The following NTRK1 variants were observed in gnomAD, a reference collection of about 807,000 sequenced individuals.
NTRK1 encodes high affinity nerve growth factor receptor.
A neutral mutation model predicts 86.8 loss-of-function variants in NTRK1; 62 were observed. The observed-to-expected ratio is 0.71, with a 90% CI of 0.58 to 0.88. The LOEUF is 0.88. NTRK1 is among the 40% of genes least tolerant of loss of function. The pLI is 0.00. For synonymous variants in NTRK1, 469 were observed against 456.6 expected, an observed-to-expected ratio of 1.03 and a Z score of -0.35; for missense variants, 967 against 1,078.4, an observed-to-expected ratio of 0.90 and a Z score of 1.45.
intron 14 of NTRK1, among the ~76,000 whole-genome samples, chr1:156,878,678 G>A (rs41501945): frequency 6.6e-6 from 1 of 152,188 alleles, no homozygotes; most frequent in Non-Finnish European, 1.5e-5. Context: ...GGAATGGCTG[G>A]ACACTGAGGG....
In NTRK1 at chr1:156,854,360, A is replaced by C; in HGVS notation, c.51-9994A>C. The C allele has an allele frequency of 3.3e-6, 5 of 1,496,530 alleles. No individual in the cohort carries two copies. Among genetic ancestry groups the C allele is most frequent in the Non-Finnish European group, 4.5e-6 (5 of 1,114,940 alleles). 92.7% of individuals were successfully genotyped at this position (1,496,530 alleles called of 1,614,324 possible). A position where few individuals can be genotyped will look rare whatever the true frequency, so the allele number is the denominator to read the frequency against. Reference sequence around the variant, plus strand: ...ACAGCCCAGGCCAAATTCCCCATCCAGCCCTGGCAGCTTTGGAGGGGAGCC... The same window carrying C: ...ACAGCCCAGGCCAAATTCCCCATCCCGCCCTGGCAGCTTTGGAGGGGAGCC... On this transcript the variant is annotated intron_variant, in intron 2 of 16. Coordinates refer to the NTRK1 transcript ENST00000392302. This position sits in a 1 kb window ranked among gnomAD's most constrained non-coding sequence, Gnocchi z 4.2.
At chr1:156,860,818 C>A (rs1558095567), upstream of NTRK1, 4 of 1,341,258 alleles carry the variant, frequency 3.0e-6, no homozygotes, top group Non-Finnish European at 3.8e-6. Flanking sequence ...TGGCTCCGCC[C>A]TTTCCTGGCG....
intron 14 of NTRK1, among the ~76,000 whole-genome samples, chr1:156,877,650 A>G (rs1006341371): frequency 6.6e-6 from 1 of 152,262 alleles, no homozygotes; most frequent in Non-Finnish European, 1.5e-5. Flanking sequence ...CTTCTTTGCC[A>G]AGTAGCTTTC....
chr1:156,847,525 T>C (rs910334103), intron 2 of NTRK1, among the ~76,000 whole-genome samples: 4 of 152,106 alleles, frequency 2.6e-5, no homozygotes, highest in African/African-American at 4.8e-5. Context: ...TTCTTTGGAC[T>C]GGGAAGGGGA....
intron 2 of NTRK1, chr1:156,846,028 G>A (rs1164074914): frequency 1.9e-6 from 3 of 1,614,114 alleles, no homozygotes; most frequent in South Asian, 2.2e-5. Flanking sequence ...AGTAGGTGAG[G>A]TTCCCATTGC....
chr1:156,837,337 C>G (rs138938414), intron 1 of NTRK1: 1 of 152,714 alleles, frequency 6.5e-6, no homozygotes, highest in South Asian at 2.1e-4. Flanking sequence ...TCCCCAGCTC[C>G]GCCCACCTGG....
chr1:156,859,355 C>T (rs1485292972), upstream of NTRK1, among the ~76,000 whole-genome samples: 1 of 152,162 alleles, frequency 6.6e-6, no homozygotes, highest in East Asian at 1.9e-4. This position sits in a 1 kb window ranked among gnomAD's most constrained non-coding sequence, Gnocchi z 6.2. Context: ...CCCGCCAACC[C>T]TTTGTCCCCA....
At chr1:156,852,799 T>C (rs754782159) in intron 2 of NTRK1, among the ~76,000 whole-genome samples, 5 of 152,148 alleles carry the variant, frequency 3.3e-5, no homozygotes, top group Non-Finnish European at 5.9e-5. Context: ...GTTGACACTG[T>C]ACATGAGAGG....
rs767714204 is a variant in NTRK1 at position 156,879,287 on chromosome 1, A to G, written c.1971A>G (p.Leu657=). The G allele has an allele frequency of 7.4e-6, 12 of 1,613,534 alleles. No individual in the cohort carries two copies. In the African/African-American group the frequency reaches 9.3e-5, roughly 13 times the overall value. Residue 657 remains leucine (L), a synonymous_variant, in exon 15 of 17, where the codon CTA becomes CTG. Transcript: ENST00000524377. ...GGGACCTGGCCACACGCAACTGTCT[A>G]GTGGGCCAGGGACTGGTGGTCAAGA... ...VHRDLATRNC[L]VGQGLVVKIG...
intron 1 of NTRK1, among the ~76,000 whole-genome samples, chr1:156,828,933 C>T (rs6689750): frequency 0.82 from 124,497 of 152,216 alleles, 51,132 homozygotes; most frequent in African/African-American, 0.89. Flanking sequence ...ATTTATTATA[C>T]CCTTAGAGGA....
At chr1:156,876,370 C>T (rs1382917119) in intron 13 of NTRK1, 30 bp from the exon 14 acceptor site, 14 of 1,613,182 alleles carry the variant, frequency 8.7e-6, no homozygotes, top group Non-Finnish European at 1.2e-5. Flanking sequence ...CGGCCCCCAA[C>T]TCAGTCCTGT....
rs755816069 is a variant in NTRK1, at chr1:156,880,158, G to T, written c.2205+1G>T. ...CTGGTACCAGCTCTCCAACACGGAG[G>T]TCAGCCCCGGCCCATGGTCACCCCT... On this transcript the variant is annotated splice_donor_variant, in intron 16 of 16. Transcript: ENST00000524377. LOFTEE classifies it high-confidence loss of function. The T allele has an allele frequency of 6.2e-7, 1 of 1,613,000 alleles. No individual in the cohort carries two copies. The highest frequency in any genetic ancestry group is 2.2e-5 in the East Asian group (1 of 44,854).
At chr1:156,858,892 GGA>G (rs1003218226), upstream of NTRK1, 62 of 483,336 alleles carry the variant, frequency 1.3e-4, no homozygotes, top group African/African-American at 1.1e-3. Context: ...ACAGTGACAG[GGA>G]GAGTCTCGGG....
Position 156,817,047 on chromosome 1 carries a change from TTCTCTCTCTC to T in NTRK1, c.-64+1228_-64+1237del, listed in dbSNP as rs3840456. ...CCTCACCCCAAACTAGAACTTCCCT[TTCTCTCTCTC>T]TCTCTCTCTCTCTCTCTCATCTCTC... is the stretch of plus-strand genomic sequence containing the variant. On this transcript the variant is annotated intron_variant, in intron 1 of 16. Coordinates refer to the NTRK1 transcript ENST00000392302. 2.6e-5 allele frequency among the ~76,000 whole-genome samples: 3 copies of T among 113,782 alleles called. 1 individual carries two copies. In the South Asian group the frequency reaches 9.5e-4, roughly 36 times the overall value. 74.6% of individuals were successfully genotyped at this position (113,782 alleles called of 152,430 possible). A position where few individuals can be genotyped will look rare whatever the true frequency, so the allele number is the denominator to read the frequency against.
intron 1 of NTRK1, 86 bp from the exon 2 acceptor site, chr1:156,864,268 A>G (rs1655820775): frequency 3.2e-6 from 4 of 1,264,698 alleles, no homozygotes; most frequent in East Asian, 4.6e-5. Flanking sequence ...TGGCATGTGC[A>G]TGTGTATTGT....
intron 2 of NTRK1, chr1:156,845,690 C>CG: frequency 6.2e-7 from 1 of 1,611,926 alleles, no homozygotes; most frequent in Non-Finnish European, 8.5e-7. Context: ...GCGCCTCCAG[C>CG]GGGGGCAGAA....
At chr1:156,816,492 T>G (rs1653946987) in intron 1 of NTRK1, among the ~76,000 whole-genome samples, 1 of 152,212 alleles carries the variant, frequency 6.6e-6, no homozygotes, top group Non-Finnish European at 1.5e-5. Context: ...ACCTTTATCC[T>G]CAGGGATGAG....
intron 2 of NTRK1, chr1:156,842,873 C>T (rs974754999): frequency 1.5e-5 from 11 of 727,184 alleles, no homozygotes; most frequent in East Asian, 2.7e-5. Flanking sequence ...ACCTTTACCC[C>T]AATTAGGATC....
At position 156,852,181 on chromosome 1, in the gene NTRK1, G is replaced by A. The variant is rs533962811; in HGVS notation, c.50+9988G>A. ...TCGCTGTGCAAGCCATCCCATGGGG[G>A]CAGGGGCACACTGTGGGGAGAGTGG... On this transcript the variant is annotated intron_variant, in intron 2 of 16. Coordinates refer to the NTRK1 transcript ENST00000392302. 26 of 1,597,972 alleles carry A rather than the reference G, an allele frequency of 1.6e-5. 1 individual carries two copies. The Admixed American group carries it at 1.7e-4, about 10-fold the overall frequency.
Sources: allele counts gnomAD v4.1 joint callset (sites outside exome capture counted in the v4.1 genomes callset), GRCh38; gene constraint gnomAD v4.1.1; non-coding constraint Gnocchi (gnomAD v3.1); transcripts MANE v1.5; gene names NCBI Gene and HGNC (gene_info 2026-07-23, HGNC 2026-07-21).